The following SRBD1 variants were observed in gnomAD, a reference collection of about 807,000 sequenced individuals.
SRBD1 encodes S1 RNA binding domain 1.
In SRBD1, 88 loss-of-function variants were observed where a neutral mutation model predicts 115.3. The ratio of observed to expected loss-of-function variants is 0.76; its 90% CI spans 0.64 to 0.91. The LOEUF is 0.91. Among genes scored for constraint, SRBD1 ranks in the 40% least tolerant of loss-of-function variants. The pLI is 0.00. For missense variants in SRBD1, 1,385 were observed against 1,177.4 expected, an observed-to-expected ratio of 1.18 and a Z score of -2.58; for synonymous variants, 509 against 407.7, an observed-to-expected ratio of 1.25 and a Z score of -2.99.
chr2:45,546,739 C>A lies in SRBD1; in HGVS notation c.1867G>T (p.Val623Phe), dbSNP rs1340447920. 6.2e-7 allele frequency: 1 copy of A among 1,613,976 alleles called. No homozygotes were observed. The highest frequency in any genetic ancestry group is 8.5e-7 in the Non-Finnish European group (1 of 1,179,878). Residue 623 changes from valine (V) to phenylalanine (F), a missense_variant, in exon 14 of 21, where the codon GTT becomes TTT. Coordinates refer to ENST00000263736, the MANE Select transcript of SRBD1 (RefSeq NM_018079.5). The part of the protein sequence containing the change: ...MKNYFAPLDV[V>F]YCIVSEAGAS... The stretch of plus-strand genomic sequence containing the variant: ...TATATGTAATAGCCTTACCAGTAAA[C>A]AACATCCAGTGGTGCAAAATAATTC...
chr2:45,430,441 C>T (rs1034016440), intron 16 of SRBD1, among the ~76,000 whole-genome samples: 2 of 152,134 alleles, frequency 1.3e-5, no homozygotes, highest in Non-Finnish European at 2.9e-5. Flanking sequence ...GGTACCAAAA[C>T]AAATATATAG....
chr2:45,479,387 C>A (rs1293163166), intron 15 of SRBD1, among the ~76,000 whole-genome samples: 1 of 152,166 alleles, frequency 6.6e-6, no homozygotes, highest in Non-Finnish European at 1.5e-5. Flanking sequence ...GTTGTGAATG[C>A]AAAGGAAGAG....
Position 45,552,355 on chromosome 2 carries a change from TAGAAAA to T in SRBD1, c.1518-1079_1518-1074del, listed in dbSNP as rs1168684485. ...TATATTATTTTAACCATGGGCATTTTAGAAAAAGAAAGAGAAAGTACTCTTGCTTAT... is the reference window on the plus strand; with the variant it reads ...TATATTATTTTAACCATGGGCATTTTAGAAAGAGAAAGTACTCTTGCTTAT... On this transcript the variant is annotated intron_variant, in intron 11 of 20. Transcript: ENST00000263736. 2.6e-5 allele frequency among the ~76,000 whole-genome samples: 4 copies of T among 152,350 alleles called. No individual in the cohort carries two copies. The East Asian group carries it at 5.8e-4, about 22-fold the overall frequency.
At position 45,591,008 on chromosome 2, in the gene SRBD1, ACT is replaced by A. The variant is rs372805911; in HGVS notation, c.649-5236_649-5235del. Among the ~76,000 whole-genome samples, 35 of 143,292 alleles carry A rather than the reference ACT, an allele frequency of 2.4e-4. 1 individual carries two copies. The South Asian group carries it at 7.2e-3, about 30-fold the overall frequency. 94.0% of individuals were successfully genotyped at this position (143,292 alleles called of 152,430 possible). On this transcript the variant is annotated intron_variant, in intron 4 of 20. Transcript: ENST00000263736. ...CTCCAGCCTGGGCAACAAGAGTGAA[ACT>A]CTCAAAAAAAAAAAAAACCCTCTTT... is the stretch of plus-strand genomic sequence containing the variant.
intron 18 of SRBD1, among the ~76,000 whole-genome samples, chr2:45,417,863 C>T (rs757771586): frequency 6.6e-6 from 1 of 152,186 alleles, no homozygotes; most frequent in Non-Finnish European, 1.5e-5. Flanking sequence ...TTCCCATTTG[C>T]TATGCCCTAA....
chr2:45,599,769 T>A lies in SRBD1; in HGVS notation c.328A>T (p.Thr110Ser). 1 of 1,614,148 alleles carries A rather than the reference T, an allele frequency of 6.2e-7. No homozygotes were observed. Among genetic ancestry groups the A allele is most frequent in the Non-Finnish European group, 8.5e-7 (1 of 1,180,038 alleles). ...TGTTTTGTCTTGGCTGTTTTCAGAGTCTGTACAGTATCCAATTTATTTTTT... is the reference window on the plus strand; with the variant it reads ...TGTTTTGTCTTGGCTGTTTTCAGAGACTGTACAGTATCCAATTTATTTTTT... ...DRKNKLDTVQ[T>S]LKTAKTKQKC... The change falls in exon 4 of 21, where the codon ACT becomes TCT. Residue 110 changes from threonine to serine, a missense_variant. Thr to Ser is a moderately conservative substitution (Grantham distance 58). Transcript: ENST00000263736.
intron 3 of SRBD1, among the ~76,000 whole-genome samples, chr2:45,601,397 A>C (rs978593367): frequency 4.6e-5 from 7 of 152,258 alleles, no homozygotes; most frequent in African/African-American, 9.6e-5. Context: ...GGTTGTATTT[A>C]TCTCTCTTGT....
At chr2:45,596,929 AAC>A (rs3223332) in intron 4 of SRBD1, among the ~76,000 whole-genome samples, 32 of 143,204 alleles carry the variant, frequency 2.2e-4, no homozygotes, top group South Asian at 6.7e-4. Flanking sequence ...CCACAACCCT[AAC>A]ACACACACAC....
intron 16 of SRBD1, among the ~76,000 whole-genome samples, chr2:45,434,902 T>C (rs1011089238): frequency 4.3e-4 from 65 of 152,218 alleles, no homozygotes; most frequent in African/African-American, 1.5e-3. Flanking sequence ...GTATTTCTCC[T>C]AATGCTATCC....
At chr2:45,483,876 C>A (rs575557380) in intron 15 of SRBD1, among the ~76,000 whole-genome samples, 1 of 151,894 alleles carries the variant, frequency 6.6e-6, no homozygotes, top group Non-Finnish European at 1.5e-5. Flanking sequence ...CATTTTTGAA[C>A]AAGAAGCTGA....
At chr2:45,474,734 C>A (rs534626863) in intron 16 of SRBD1, among the ~76,000 whole-genome samples, 25 of 152,302 alleles carry the variant, frequency 1.6e-4, no homozygotes, top group African/African-American at 5.8e-4. Flanking sequence ...GGTTTTATTT[C>A]TCCATGAGTG....
chr2:45,476,423 C>A (rs557308908), intron 16 of SRBD1, among the ~76,000 whole-genome samples: 1 of 152,142 alleles, frequency 6.6e-6, no homozygotes. Flanking sequence ...AGGAGGAAAA[C>A]AATGTGACCC....
intron 7 of SRBD1, among the ~76,000 whole-genome samples, chr2:45,575,841 T>A (rs1472989769): frequency 6.6e-6 from 1 of 152,080 alleles, no homozygotes; most frequent in Non-Finnish European, 1.5e-5. Context: ...GTAACAGGGA[T>A]TACAGGCACA....
intron 16 of SRBD1, among the ~76,000 whole-genome samples, chr2:45,421,733 C>T (rs1336992613): frequency 1.3e-5 from 2 of 151,846 alleles, no homozygotes; most frequent in Non-Finnish European, 2.9e-5. Context: ...CTAGTAGAGT[C>T]CCCAAGTATT....
chr2:45,554,358 A>C (rs1255071287), intron 10 of SRBD1, among the ~76,000 whole-genome samples: 1 of 152,204 alleles, frequency 6.6e-6, no homozygotes, highest in Non-Finnish European at 1.5e-5. Context: ...ACTCCGGTTG[A>C]AGCCACATAG....
intron 19 of SRBD1, among the ~76,000 whole-genome samples, chr2:45,395,508 T>G (rs1311405589): frequency 6.6e-6 from 1 of 152,230 alleles, no homozygotes; most frequent in Non-Finnish European, 1.5e-5. Context: ...TCATATATCA[T>G]TTTCATTCTC....
Position 45,392,939 on chromosome 2 carries a change from G to GT in SRBD1, c.2698+5dup. ...AAGGTGCTATAATTCAAGTTCAACT[G>GT]TTTACCTGTTCGAAAGTCAAAGCTT... On this transcript the variant is annotated splice_donor_region_variant and intron_variant, in intron 20 of 20. Coordinates refer to ENST00000263736, the MANE Select transcript of SRBD1 (RefSeq NM_018079.5). 1 of 1,599,592 alleles carries GT rather than the reference G, an allele frequency of 6.3e-7. No homozygotes were observed. The highest frequency in any genetic ancestry group is 8.5e-7 in the Non-Finnish European group (1 of 1,171,916).
chr2:45,392,774 G>C (rs996236409), intron 20 of SRBD1, among the ~76,000 whole-genome samples, 171 bp downstream of exon 20: 2 of 152,206 alleles, frequency 1.3e-5, no homozygotes, highest in Non-Finnish European at 2.9e-5. Context: ...TTTGGCTCTG[G>C]ATATTAATTA....
At chr2:45,541,309 C>T (rs1671928042) in intron 14 of SRBD1, among the ~76,000 whole-genome samples, 1 of 152,228 alleles carries the variant, frequency 6.6e-6, no homozygotes, top group Admixed American at 6.5e-5. Context: ...AAGAGGGTGC[C>T]ATAGCCCTGG....
Sources: gnomAD v4.1 joint callset for allele counts (sites outside exome capture counted in the v4.1 genomes callset) on GRCh38, gnomAD v4.1.1 for gene constraint, MANE v1.5 for transcripts, NCBI Gene and HGNC (gene_info 2026-07-23, HGNC 2026-07-21) for gene names.